The following CNTN5 variants were observed in gnomAD, a reference collection of about 807,000 sequenced individuals.
The protein encoded by CNTN5 is contactin-5.
In CNTN5, 77 loss-of-function variants were observed where a neutral mutation model predicts 129.1. The ratio of observed to expected loss-of-function variants is 0.60; its 90% confidence interval spans 0.50 to 0.72. The LOEUF is 0.72. Among genes scored for constraint, CNTN5 ranks in the 30% least tolerant of loss-of-function variants. The pLI is 0.00. For synonymous variants in CNTN5, 509 were observed against 465.6 expected (o/e 1.09, Z -1.20); for missense variants, 1,478 against 1,328.8 (o/e 1.11, Z -1.75).
At chr11:100,130,230 T>C (rs575690896) in intron 13 of CNTN5, among the ~76,000 whole-genome samples, 1 of 152,242 alleles carries the variant, frequency 6.6e-6, no homozygotes, top group Admixed American at 6.5e-5. Flanking sequence ...AAGCTTACCT[T>C]TTATGTTTCA....
chr11:99,704,198 A>T (rs2134894686), intron 3 of CNTN5, among the ~76,000 whole-genome samples: 1 of 151,010 alleles, frequency 6.6e-6, no homozygotes, highest in Admixed American at 6.6e-5. Flanking sequence ...CATTTCCAGA[A>T]GAGTCAATAT....
Position 99,290,324 on chromosome 11 carries a change from A to T in CNTN5, c.-209-35022A>T, listed in dbSNP as rs118006408. ...TGTGCTTGTAATTTTAAAGGAGCTG[A>T]TTATGATTATTCTGTTTGATTACTA... On this transcript the variant is annotated intron_variant, in intron 1 of 24. Coordinates refer to ENST00000524871, the MANE Select transcript of CNTN5 (RefSeq NM_014361.4). 9.8e-3 allele frequency among the ~76,000 whole-genome samples: 1,485 copies of T among 151,948 alleles called. 12 individuals carry two copies. Among genetic ancestry groups the T allele is most frequent in the Non-Finnish European group, 0.012 (806 of 67,778 alleles).
At chr11:100,197,551 T>C (rs1241480003) in intron 15 of CNTN5, among the ~76,000 whole-genome samples, 1 of 151,928 alleles carries the variant, frequency 6.6e-6, no homozygotes, top group Non-Finnish European at 1.5e-5. Flanking sequence ...TGGTCAGAGG[T>C]CTACAAGAAC....
chr11:99,841,517 A>G (rs1361183169), intron 4 of CNTN5, among the ~76,000 whole-genome samples: 2 of 151,794 alleles, frequency 1.3e-5, no homozygotes, highest in Admixed American at 1.3e-4. Context: ...ATTAGATAAT[A>G]TATATACATA....
At chr11:99,294,169 T>C (rs1237812269) in intron 1 of CNTN5, among the ~76,000 whole-genome samples, 1 of 152,152 alleles carries the variant, frequency 6.6e-6, no homozygotes, top group Non-Finnish European at 1.5e-5. Flanking sequence ...AATTCATTGG[T>C]TGTACAGGAG....
chr11:100,016,109 A>G (rs1010855649), intron 9 of CNTN5, among the ~76,000 whole-genome samples: 3 of 152,064 alleles, frequency 2.0e-5, no homozygotes, highest in African/African-American at 4.8e-5. Flanking sequence ...CATATATACA[A>G]TTTATTTATG....
At chr11:99,563,346 A>G (rs979058971) in intron 3 of CNTN5, among the ~76,000 whole-genome samples, 1 of 152,226 alleles carries the variant, frequency 6.6e-6, no homozygotes, top group Non-Finnish European at 1.5e-5. Flanking sequence ...CTGACAATGT[A>G]AACCTAGGAA....
intron 3 of CNTN5, among the ~76,000 whole-genome samples, chr11:99,704,391 G>T (rs542342265): frequency 7.3e-5 from 11 of 151,056 alleles, no homozygotes; most frequent in Non-Finnish European, 1.2e-4. Flanking sequence ...AGTGAGTTTT[G>T]TGAATAGACT....
chr11:100,056,148 C>A (rs556884439), intron 9 of CNTN5, among the ~76,000 whole-genome samples: 190 of 151,538 alleles, frequency 1.3e-3, no homozygotes, highest in African/African-American at 4.5e-3. Flanking sequence ...TGAATATTTA[C>A]TTTTATTGTC....
intron 1 of CNTN5, among the ~76,000 whole-genome samples, chr11:99,038,228 A>C (rs1006713241): frequency 5.3e-5 from 8 of 152,168 alleles, no homozygotes; most frequent in African/African-American, 1.9e-4. Context: ...CCTAATTGGA[A>C]TCAAGATATA....
chr11:99,389,122 C>CAAG (rs36036818), intron 2 of CNTN5, among the ~76,000 whole-genome samples: 9,089 of 151,474 alleles, frequency 0.06, 677 homozygotes, highest in East Asian at 0.34. Context: ...CTCTGCCTCC[C>CAAG]AGGTTCAAGC....
At chr11:99,915,801 A>G (rs7926941) in intron 6 of CNTN5, among the ~76,000 whole-genome samples, 139,572 of 152,234 alleles carry the variant, frequency 0.92, 64,030 homozygotes, top group East Asian at 1. Context: ...ACTCCCTAGC[A>G]TCTATACTGG....
chr11:99,134,921 T>A (rs550276963), intron 1 of CNTN5, among the ~76,000 whole-genome samples: 1 of 152,304 alleles, frequency 6.6e-6, no homozygotes, highest in Admixed American at 6.5e-5. Context: ...AGGAAGTAAA[T>A]GCAGAAACTC....
chr11:100,309,199 T>G lies in CNTN5; in HGVS notation c.2730+731T>G, dbSNP rs975283365. 4 of 984,928 alleles carry G rather than the reference T, an allele frequency of 4.1e-6. No individual in the cohort carries two copies. In the African/African-American group the frequency reaches 7.0e-5, roughly 17 times the overall value. 61.0% of individuals were successfully genotyped at this position (984,928 alleles called of 1,614,324 possible). ...AAGAATTAGCATCTGACCCAAGACT[T>G]TAGTTGCATTTAAAAAAATTTATTC... On this transcript the variant is annotated intron_variant, in intron 21 of 24. Transcript: ENST00000524871.
At chr11:100,195,781 T>C (rs1948622790) in intron 15 of CNTN5, among the ~76,000 whole-genome samples, 1 of 151,964 alleles carries the variant, frequency 6.6e-6, no homozygotes, top group Admixed American at 6.6e-5. Context: ...TGAGTCTTGG[T>C]TGGCTTCAAG....
intron 4 of CNTN5, among the ~76,000 whole-genome samples, chr11:99,831,603 AG>A (rs1210191365): frequency 2.6e-5 from 4 of 151,690 alleles, no homozygotes; most frequent in Admixed American, 1.3e-4. Flanking sequence ...GCAGACTGCC[AG>A]TGACCATAAC....
chr11:99,314,242 G>A (rs1450129314), intron 1 of CNTN5, among the ~76,000 whole-genome samples: 2 of 152,008 alleles, frequency 1.3e-5, no homozygotes, highest in Admixed American at 6.6e-5. Flanking sequence ...GCTAGCCCAA[G>A]TAGGATGTGC....
chr11:99,894,193 G>C (rs1949138132), intron 6 of CNTN5, among the ~76,000 whole-genome samples: 2 of 152,094 alleles, frequency 1.3e-5, no homozygotes, highest in Non-Finnish European at 2.9e-5. Context: ...TGGTGGCATA[G>C]TTCACATTTC....
chr11:99,825,623 T>G (rs147522998), intron 4 of CNTN5, among the ~76,000 whole-genome samples: 2 of 152,144 alleles, frequency 1.3e-5, no homozygotes, highest in Admixed American at 6.5e-5. Flanking sequence ...TGTCTGAAAA[T>G]ATATTTTGCC....
Sources: gnomAD v4.1 joint callset for allele counts (sites outside exome capture counted in the v4.1 genomes callset) on GRCh38, gnomAD v4.1.1 for gene constraint, MANE v1.5 for transcripts, NCBI Gene and HGNC (gene_info 2026-07-23, HGNC 2026-07-21) for gene names.